The following KIAA2012 variants were observed in gnomAD, a reference collection of about 807,000 sequenced individuals.
The protein encoded by KIAA2012 is uncharacterized protein KIAA2012.
Under a neutral mutation model 150.6 loss-of-function variants are expected in KIAA2012, and 125 were observed. The ratio of observed to expected loss-of-function variants is 0.83; its 90% CI spans 0.72 to 0.96. KIAA2012 has a LOEUF of 0.96. Among genes scored for constraint, KIAA2012 ranks in the 40% least tolerant of loss-of-function variants. The pLI is 0.00. For missense variants in KIAA2012, 1,219 were observed against 1,354.9 expected (o/e 0.90, Z 1.57); for synonymous variants, 462 against 504.7 (o/e 0.92, Z 1.13).
At chr2:202,180,007 C>A in intron 15 of KIAA2012, 1 of 537,212 alleles carries the variant, frequency 1.9e-6, no homozygotes. Context: ...CGCGGTGGCT[C>A]ATGCCTGTAA....
chr2:202,123,382 T>C (rs1690703244), intron 11 of KIAA2012, among the ~76,000 whole-genome samples: 1 of 152,224 alleles, frequency 6.6e-6, no homozygotes, highest in South Asian at 2.1e-4. Flanking sequence ...CCAAGGTCCC[T>C]ACTCAATAAT....
chr2:202,093,913 G>A (rs1054727392), intron 4 of KIAA2012, among the ~76,000 whole-genome samples: 3 of 152,192 alleles, frequency 2.0e-5, no homozygotes, highest in Non-Finnish European at 4.4e-5. Flanking sequence ...AAGACAACTG[G>A]GTAGCAGTAA....
intron 2 of KIAA2012, among the ~76,000 whole-genome samples, chr2:202,087,940 C>T (rs374704919): frequency 2.6e-5 from 4 of 151,820 alleles, no homozygotes; most frequent in African/African-American, 9.7e-5. Context: ...TCTTCACTTT[C>T]CTGGATTCAA....
chr2:202,201,028 T>C (rs535969245), intron 22 of KIAA2012, among the ~76,000 whole-genome samples: 41 of 152,220 alleles, frequency 2.7e-4, no homozygotes, highest in African/African-American at 9.9e-4. Context: ...CTTTAATTCT[T>C]AGGAAGATCA....
rs75008729 is a variant in KIAA2012, at chr2:202,125,249, G to A, written c.1798G>A (p.Glu600Lys). ...TGTCAATTCAAATATCAGCCATGAA[G>A]AGGAAGGGCCTAGTAGTCAGCATTT... ...ESVNSNISHE[E>K]EGPSSQHFLK... is the part of the protein sequence containing the mutation. Residue 600 changes from glutamate (E) to lysine (K), a missense_variant, in exon 12 of 24, where the codon GAG becomes AAG. Glu to Lys is a moderately conservative substitution (Grantham distance 56). Coordinates refer to ENST00000498697, the MANE Select transcript of KIAA2012 (RefSeq NM_001277372.4). 1,597 of 1,550,438 alleles carry A rather than the reference G, an allele frequency of 1.0e-3. 22 individuals carry two copies. In the East Asian group the frequency reaches 0.032, roughly 31 times the overall value.
chr2:202,201,705 T>C (rs1180652786), intron 22 of KIAA2012: 9 of 1,580,528 alleles, frequency 5.7e-6, no homozygotes, highest in African/African-American at 2.7e-5. Flanking sequence ...GCGGCCGACA[T>C]GGTGGGGACT....
chr2:202,125,244 A>C lies in KIAA2012; in HGVS notation c.1793A>C (p.His598Pro). The C allele has an allele frequency of 6.4e-7, 1 of 1,550,528 alleles. No individual in the cohort carries two copies. The highest frequency in any genetic ancestry group is 2.4e-5 in the East Asian group (1 of 40,910). ...AYESVNSNIS[H>P]EEEGPSSQHF... Reference sequence around the variant, plus strand: ...GAATCTGTCAATTCAAATATCAGCCATGAAGAGGAAGGGCCTAGTAGTCAG... The same window carrying C: ...GAATCTGTCAATTCAAATATCAGCCCTGAAGAGGAAGGGCCTAGTAGTCAG... Residue 598 changes from histidine to proline, a missense_variant, in exon 12 of 24, where the codon CAT (histidine) becomes CCT (proline). Coordinates refer to ENST00000498697, the MANE Select transcript of KIAA2012 (RefSeq NM_001277372.4).
chr2:202,118,555 AC>A (rs758610133), intron 11 of KIAA2012, among the ~76,000 whole-genome samples: 1 of 152,096 alleles, frequency 6.6e-6, no homozygotes, highest in Non-Finnish European at 1.5e-5. Flanking sequence ...AGAGGCAGTT[AC>A]TGTATAGTAA....
At chr2:202,189,537 G>A (rs574433000) in intron 18 of KIAA2012, among the ~76,000 whole-genome samples, 11 of 152,064 alleles carry the variant, frequency 7.2e-5, no homozygotes, top group South Asian at 2.1e-4. Flanking sequence ...TGATCTGCCC[G>A]CCTCAGCCTC....
At chr2:202,155,526 A>G (rs1414528370) in intron 14 of KIAA2012, among the ~76,000 whole-genome samples, 2 of 152,154 alleles carry the variant, frequency 1.3e-5, no homozygotes, top group Non-Finnish European at 1.5e-5. Flanking sequence ...ATAAATAGCC[A>G]TGGAGTGAAA....
chr2:202,175,976 G>A (rs1691981552), intron 15 of KIAA2012, among the ~76,000 whole-genome samples: 1 of 152,144 alleles, frequency 6.6e-6, no homozygotes, highest in African/African-American at 2.4e-5. Flanking sequence ...GGGAAATAGT[G>A]GAGAAAGGAT....
chr2:202,108,128 C>T (rs996655168), intron 9 of KIAA2012, among the ~76,000 whole-genome samples: 5 of 152,240 alleles, frequency 3.3e-5, no homozygotes, highest in African/African-American at 1.2e-4. Flanking sequence ...GCCACGGAGG[C>T]GACACATATT....
chr2:202,082,287 C>T (rs1008512325), intron 2 of KIAA2012, among the ~76,000 whole-genome samples: 4 of 151,988 alleles, frequency 2.6e-5, no homozygotes, highest in East Asian at 1.9e-4. Context: ...CCCAAGAGAT[C>T]GAGGCTACAG....
At chr2:202,082,422 T>C (rs1010723529) in intron 2 of KIAA2012, among the ~76,000 whole-genome samples, 10 of 152,016 alleles carry the variant, frequency 6.6e-5, no homozygotes, top group African/African-American at 2.4e-4. Flanking sequence ...TTACAAATAT[T>C]TTCTCCCACT....
intron 12 of KIAA2012, among the ~76,000 whole-genome samples, chr2:202,131,218 C>T (rs1331938714): frequency 6.6e-6 from 1 of 152,228 alleles, no homozygotes; most frequent in East Asian, 1.9e-4. Context: ...CCGCTCACTG[C>T]AACCTCTGTC....
At chr2:202,162,928 CAAAAAAA>C (rs530486463) in intron 14 of KIAA2012, among the ~76,000 whole-genome samples, 1 of 90,230 alleles carries the variant, frequency 1.1e-5, no homozygotes, top group African/African-American at 4.0e-5. Flanking sequence ...GACTCCGTCT[CAAAAAAA>C]AAAAAAAAAA....
At chr2:202,194,763 GTTTGTT>G (rs1171110749) in intron 21 of KIAA2012, among the ~76,000 whole-genome samples, 2 of 151,942 alleles carry the variant, frequency 1.3e-5, no homozygotes, top group South Asian at 2.1e-4. Context: ...TTTTTTGTTT[GTTTGTT>G]TTTGTTTTTG....
intron 19 of KIAA2012, among the ~76,000 whole-genome samples, chr2:202,192,248 G>T (rs1423023172): frequency 2.0e-5 from 3 of 152,118 alleles, no homozygotes; most frequent in Non-Finnish European, 2.9e-5. Context: ...CTCTGAGTTG[G>T]ATACACAGAG....
chr2:202,146,939 G>A (rs1156901894), intron 13 of KIAA2012, among the ~76,000 whole-genome samples: 2 of 152,188 alleles, frequency 1.3e-5, no homozygotes, highest in Non-Finnish European at 1.5e-5. Flanking sequence ...AGGATGAGAT[G>A]AAACATATTG....
Sources: gnomAD v4.1 joint callset for allele counts (sites outside exome capture counted in the v4.1 genomes callset) on GRCh38, gnomAD v4.1.1 for gene constraint, MANE v1.5 for transcripts, NCBI Gene and HGNC (gene_info 2026-07-23, HGNC 2026-07-21) for gene names.